Variants in PPP6R3 observed in about 807,000 individuals in gnomAD.
The protein encoded by PPP6R3 is protein phosphatase 6 regulatory subunit 3.
In PPP6R3, 38 loss-of-function variants were observed where a neutral mutation model predicts 110.7. That is an observed-to-expected ratio of 0.34 (90% CI 0.26 to 0.45). The LOEUF is 0.45. Among genes scored for constraint, PPP6R3 ranks in the 20% least tolerant of loss-of-function variants. PPP6R3 has a pLI of 1.00. For synonymous variants in PPP6R3, 369 were observed against 373.5 expected (o/e 0.99, Z 0.14); for missense variants, 870 against 1,062.4 (o/e 0.82, Z 2.52).
chr11:68,535,260 C>T (rs188721501), intron 2 of PPP6R3, among the ~76,000 whole-genome samples: 84 of 152,304 alleles, frequency 5.5e-4, no homozygotes, highest in African/African-American at 2.0e-3. Flanking sequence ...GTCCTGTTAG[C>T]CTAGCAGCAT....
At chr11:68,565,759 C>T (rs2099462042) in intron 9 of PPP6R3, among the ~76,000 whole-genome samples, 1 of 148,328 alleles carries the variant, frequency 6.7e-6, no homozygotes, top group Non-Finnish European at 1.5e-5. Context: ...CCGTTTGCAC[C>T]TGGTTTTACT....
Position 68,562,886 on chromosome 11 carries a change from T to C in PPP6R3, c.846-1417T>C, listed in dbSNP as rs1273376199. Reference sequence around the variant, plus strand: ...AAAACCCAATTCATAAAACAGAAGTTGATAACTCAGACTACACTAAAATTT... The same window carrying C: ...AAAACCCAATTCATAAAACAGAAGTCGATAACTCAGACTACACTAAAATTT... On this transcript the variant is annotated intron_variant, in intron 8 of 23. Coordinates refer to ENST00000393800, the MANE Select transcript of PPP6R3 (RefSeq NM_001164161.2). Among the ~76,000 whole-genome samples, 3 of 152,160 alleles carry C rather than the reference T, an allele frequency of 2.0e-5. No individual in the cohort carries two copies. The East Asian group carries it at 5.8e-4, about 29-fold the overall frequency.
chr11:68,537,845 A>G lies in PPP6R3; in HGVS notation c.181A>G (p.Ile61Val). 3 of 1,613,954 alleles carry G rather than the reference A, an allele frequency of 1.9e-6. No individual in the cohort carries two copies. ...AECLEDLVSF[I>V]IEEPPQDMDE... ...ATGTCTCGAAGATTTAGTCTCATTC[A>G]TTATAGAAGAACCACCTCAAGACAT... The change falls in exon 3 of 24, where the codon ATT becomes GTT. Residue 61 changes from isoleucine (I) to valine (V), a missense_variant. Transcript: ENST00000393800.
At chr11:68,528,470 C>A (rs1451980001) in intron 2 of PPP6R3, among the ~76,000 whole-genome samples, 4 of 149,674 alleles carry the variant, frequency 2.7e-5, no homozygotes, top group Non-Finnish European at 1.5e-5. Context: ...ATTGACACTT[C>A]ACTAAGAATG....
chr11:68,559,202 G>A (rs549925394), intron 8 of PPP6R3, among the ~76,000 whole-genome samples: 18 of 152,332 alleles, frequency 1.2e-4, no homozygotes, highest in African/African-American at 4.1e-4. Flanking sequence ...GGTGGCTTGA[G>A]CTTTGAGGAC....
intron 7 of PPP6R3, among the ~76,000 whole-genome samples, chr11:68,556,113 A>G (rs778481062): frequency 2.3e-4 from 35 of 152,336 alleles, no homozygotes; most frequent in South Asian, 4.1e-4. Flanking sequence ...AAATCACTGT[A>G]CTGGCAATAC....
At position 68,613,708 on chromosome 11, in the gene PPP6R3, T is replaced by A. The variant is rs1291021761; in HGVS notation, c.*591T>A. 5 of 982,278 alleles carry A rather than the reference T, an allele frequency of 5.1e-6. No individual in the cohort carries two copies. Among genetic ancestry groups the A allele is most frequent in the Non-Finnish European group, 6.0e-6 (5 of 826,826 alleles). The allele number at this position is 982,278 out of a possible 1,614,324, so 60.8% of individuals were successfully genotyped here. On this transcript the variant is annotated 3_prime_UTR_variant, in exon 24 of 24. Transcript: ENST00000393800. ...TTTTGATTGGTAATTGTTTTCTGTA[T>A]TGTTTAAAACGGATCAAAAATGTAA... is the stretch of plus-strand genomic sequence containing the variant.
chr11:68,494,433 A>AG (rs2099004002), intron 1 of PPP6R3, among the ~76,000 whole-genome samples: 5 of 142,282 alleles, frequency 3.5e-5, no homozygotes, highest in Middle Eastern at 4.1e-3. Context: ...AAAAAAAAAA[A>AG]GCTGGTACCT....
At chr11:68,595,311 G>A (rs992054009) in intron 18 of PPP6R3, among the ~76,000 whole-genome samples, 5 of 142,628 alleles carry the variant, frequency 3.5e-5, no homozygotes, top group African/African-American at 1.3e-4. Flanking sequence ...TGCCTCCCAG[G>A]TTCAGGTGAT....
chr11:68,525,002 T>C (rs1025698240), intron 2 of PPP6R3, among the ~76,000 whole-genome samples: 1 of 152,244 alleles, frequency 6.6e-6, no homozygotes, highest in Non-Finnish European at 1.5e-5. Flanking sequence ...TTCTACAAGC[T>C]GAGGCCACAC....
chr11:68,463,355 G>GGAAAAAAAA (rs1591425028), intron 1 of PPP6R3, among the ~76,000 whole-genome samples: 3 of 54,626 alleles, frequency 5.5e-5, no homozygotes, highest in Non-Finnish European at 1.1e-4. Context: ...CTCAGTCTCA[G>GGAAAAAAAA]AAAAAAAAAA....
intron 18 of PPP6R3, among the ~76,000 whole-genome samples, chr11:68,594,301 A>G (rs901300003): frequency 2.8e-5 from 4 of 143,794 alleles, no homozygotes; most frequent in Admixed American, 1.4e-4. Context: ...AGGAGAGAGG[A>G]GAGAGAGAGA....
chr11:68,588,565 C>T (rs549211332), intron 16 of PPP6R3, among the ~76,000 whole-genome samples: 65 of 152,038 alleles, frequency 4.3e-4, no homozygotes, highest in Non-Finnish European at 8.4e-4. Flanking sequence ...TCACGCCATT[C>T]TCCTGCCTCA....
rs1944738816 is a variant in PPP6R3 at position 68,614,220 on chromosome 11, G to A, written c.*1103G>A. On this transcript the variant is annotated 3_prime_UTR_variant, in exon 24 of 24. Transcript: ENST00000393800. ...TTTTCACTCATAAATTTAAACCAGTGTATTTTTTTAGAACTGGTTTGTGTA... is the reference window on the plus strand; with the variant it reads ...TTTTCACTCATAAATTTAAACCAGTATATTTTTTTAGAACTGGTTTGTGTA... 4.0e-6 allele frequency: 4 copies of A among 988,138 alleles called. No homozygotes were observed. Among genetic ancestry groups the A allele is most frequent in the South Asian group, 4.6e-5 (1 of 21,580 alleles). 61.2% of individuals were successfully genotyped at this position (988,138 alleles called of 1,614,324 possible).
chr11:68,546,594 T>C (rs139150920), intron 4 of PPP6R3, among the ~76,000 whole-genome samples: 1,556 of 152,158 alleles, frequency 0.01, 10 homozygotes, highest in African/African-American at 0.012. Flanking sequence ...CAATTAGGAG[T>C]GTAAATAAAG....
At chr11:68,580,863 C>T (rs2099551574) in intron 14 of PPP6R3, among the ~76,000 whole-genome samples, 1 of 133,848 alleles carries the variant, frequency 7.5e-6, no homozygotes, top group Non-Finnish European at 1.5e-5. Flanking sequence ...GCTCCGCCTC[C>T]TGGGTTCACA....
intron 15 of PPP6R3, among the ~76,000 whole-genome samples, chr11:68,584,117 G>T (rs763584617): frequency 2.2e-4 from 34 of 152,214 alleles, no homozygotes; most frequent in Admixed American, 5.2e-4. Context: ...GCATTTGGCT[G>T]ACTTCTCTGT....
At position 68,614,139 on chromosome 11, in the gene PPP6R3, G is replaced by A. The variant is rs4988291; in HGVS notation, c.*1022G>A. 0.25 allele frequency: 250,050 copies of A among 986,040 alleles called. 32,394 individuals are homozygous for A. Among genetic ancestry groups the A allele is most frequent in the Middle Eastern group, 0.28 (543 of 1,916 alleles). The allele number at this position is 986,040 out of a possible 1,614,324, so 61.1% of individuals were successfully genotyped here. A position where few individuals can be genotyped will look rare whatever the true frequency, so the allele number is the denominator to read the frequency against. On this transcript the variant is annotated 3_prime_UTR_variant, in exon 24 of 24. Transcript: ENST00000393800. ...CATTTTACAGGCTAGTATTTTAAAA[G>A]TAGAAATCAAAATCTGGCACCGAAG...
At chr11:68,463,872 C>A (rs1320721654) in intron 1 of PPP6R3, among the ~76,000 whole-genome samples, 1 of 152,244 alleles carries the variant, frequency 6.6e-6, no homozygotes, top group East Asian at 1.9e-4. Context: ...TTGCTTGTTA[C>A]ACCTCTGGGA....
Sources: allele counts gnomAD v4.1 joint callset (sites outside exome capture counted in the v4.1 genomes callset), GRCh38; gene constraint gnomAD v4.1.1; transcripts MANE v1.5; gene names NCBI Gene and HGNC (gene_info 2026-07-23, HGNC 2026-07-21).